Variants in CHTF18 observed in about 807,000 individuals in gnomAD.
The protein encoded by CHTF18 is chromosome transmission fidelity protein 18 homolog.
A neutral mutation model predicts 113.4 loss-of-function variants in CHTF18; 151 were observed. The ratio of observed to expected loss-of-function variants is 1.33; its 90% CI spans 1.17 to 1.52. CHTF18 has a LOEUF of 1.52. Ranked by LOEUF, CHTF18 falls within the 40% of genes most tolerant of loss-of-function variation. CHTF18 has a pLI of 0.00. For synonymous variants in CHTF18, 916 were observed against 598.8 expected (o/e 1.53, Z -7.74); for missense variants, 1,982 against 1,381.6 (o/e 1.43, Z -6.89).
In CHTF18 at chr16:794,055, C is replaced by T. The variant is rs754541585; in HGVS notation, c.1804C>T (p.Arg602Cys). The change falls in exon 15 of 22, where the codon CGC becomes TGC. Residue 602 changes from arginine to cysteine, a missense_variant and splice_region_variant. Arg to Cys is a radical substitution (Grantham distance 180). Coordinates refer to ENST00000262315, the MANE Select transcript of CHTF18 (RefSeq NM_022092.3). ...EVFQLPRAQR[R>C]RVGQDPALPA... ...CTAGCTTCAGCACCCCACCTGCAGG[C>T]GCCGTGTGGGCCAGGACCCCGCCCT... The T allele has an allele frequency of 1.3e-5, 21 of 1,608,660 alleles. No individual in the cohort carries two copies. Among genetic ancestry groups the T allele is most frequent in the East Asian group, 1.1e-4 (5 of 44,776 alleles).
Position 789,553 on chromosome 16 carries a change from A to G in CHTF18, c.444A>G (p.Ser148=), listed in dbSNP as rs1395859732. 1.2e-6 allele frequency: 2 copies of G among 1,600,866 alleles called. No homozygotes were observed. The highest frequency in any genetic ancestry group is 2.2e-5 in the East Asian group (1 of 44,722). ...AGCCCCGGTCTCTCTCCAGAGTCTC[A>G]GAAGCTGCTGCCGACGTGGGTCTCA... ...DLAELWGHGV[S]EAAADVGLTR... The change falls in exon 4 of 22, where the codon TCA becomes TCG. Residue 148 remains serine, a synonymous_variant. Coordinates refer to ENST00000262315, the MANE Select transcript of CHTF18 (RefSeq NM_022092.3).
At position 790,527 on chromosome 16, in the gene CHTF18, T is replaced by TCAGGTCGGGGGAGG. The variant is rs1189949618; in HGVS notation, c.756_769dup (p.Glu257AlafsTer57). 8.1e-6 allele frequency: 13 copies of TCAGGTCGGGGGAGG among 1,601,366 alleles called. No individual in the cohort carries two copies. The highest frequency in any genetic ancestry group is 3.4e-5 in the Admixed American group (2 of 58,126). ...GCTCAGGACGTGGTCCTCTCCAGTC[T>TCAGGTCGGGGGAGG]CAGGTCGGGGGAGGAGGAGGCAGCC... On this transcript the variant is annotated frameshift_variant, in exon 7 of 22. Coordinates refer to ENST00000262315, the MANE Select transcript of CHTF18 (RefSeq NM_022092.3). LOFTEE classifies it high-confidence loss of function.
chr16:796,727 G>A lies in CHTF18; in HGVS notation c.2467G>A (p.Glu823Lys), dbSNP rs773054393. 7 of 1,601,034 alleles carry A rather than the reference G, an allele frequency of 4.4e-6. No homozygotes were observed. The highest frequency in any genetic ancestry group is 3.3e-5 in the South Asian group (3 of 90,990). The stretch of plus-strand genomic sequence containing the variant: ...CCCTGTGCTGAGCAGGAACGTGGAG[G>A]AACTCTGCCGCTTCCCTGAGCTGCC... ...YIYRLEPNVE[E>K]LCRFPELPAR... Residue 823 changes from glutamate to lysine, a missense_variant, in exon 19 of 22, where the codon GAA becomes AAA. Coordinates refer to ENST00000262315, the MANE Select transcript of CHTF18 (RefSeq NM_022092.3).
At chr16:792,662 G>A in intron 11 of CHTF18, 56 bp from the exon 12 acceptor site, 2 of 1,588,694 alleles carry the variant, frequency 1.3e-6, no homozygotes, top group Non-Finnish European at 8.5e-7. Flanking sequence ...GCCCGTCCCT[G>A]TGTCCTGGGC....
rs748345127 is a variant in CHTF18, at chr16:789,226, G to A, written c.303G>A (p.Arg101=). The A allele has an allele frequency of 7.7e-6, 12 of 1,552,214 alleles. No individual in the cohort carries two copies. The highest frequency in any genetic ancestry group is 5.9e-5 in the South Asian group (5 of 84,272). The change falls in exon 3 of 22, where the codon CGG becomes CGA. Residue 101 remains arginine, a synonymous_variant. Coordinates refer to ENST00000262315, the MANE Select transcript of CHTF18 (RefSeq NM_022092.3). Reference sequence around the variant, plus strand: ...CTCCCCCAGCCCCCAGGATCAAACGGCCTAGGCTGCAGGTGGTCAAGAGGC... The same window carrying A: ...CTCCCCCAGCCCCCAGGATCAAACGACCTAGGCTGCAGGTGGTCAAGAGGC... ...GSLPHAPRIK[R]PRLQVVKRLN... is the part of the protein sequence containing the mutation.
At position 797,753 on chromosome 16, in the gene CHTF18, T is replaced by A. The variant is rs1176086589; in HGVS notation, c.2791+2T>A. The A allele has an allele frequency of 6.6e-7, 1 of 1,516,956 alleles. No individual in the cohort carries two copies. 94.0% of individuals were successfully genotyped at this position (1,516,956 alleles called of 1,614,324 possible). A position where few individuals can be genotyped will look rare whatever the true frequency, so the allele number is the denominator to read the frequency against. On this transcript the variant is annotated splice_donor_variant, in intron 21 of 21. Transcript: ENST00000262315. LOFTEE classifies it high-confidence loss of function. ...GGAGCACAGCAGTCCCGAGTGCAGG[T>A]GTGTGTGGGGGTGTTGTGGGGTTGT...
chr16:791,303 G>A lies in CHTF18; in HGVS notation c.1037G>A (p.Ser346Asn). 1.2e-6 allele frequency: 2 copies of A among 1,610,638 alleles called. No individual in the cohort carries two copies. The highest frequency in any genetic ancestry group is 2.2e-5 in the South Asian group (2 of 90,862). The change falls in exon 8 of 22, where the codon AGC becomes AAC. Residue 346 changes from serine to asparagine, a missense_variant. Physicochemically the swap from Ser to Asn is conservative, Grantham distance 46. Coordinates refer to ENST00000262315, the MANE Select transcript of CHTF18 (RefSeq NM_022092.3). ...KEATAPGKWK[S>N]HEQVLEEMLE... Reference sequence around the variant, plus strand: ...GCCACAGCCCCAGGCAAGTGGAAGAGCCACGAACAGGTGCTGGAGGAGATG... The same window carrying A: ...GCCACAGCCCCAGGCAAGTGGAAGAACCACGAACAGGTGCTGGAGGAGATG...
intron 3 of CHTF18, 80 bp downstream of exon 3, chr16:789,440 G>A: frequency 2.6e-6 from 4 of 1,537,098 alleles, no homozygotes; most frequent in Non-Finnish European, 2.6e-6. Context: ...CCTGGATGAG[G>A]CCTGGGGGGT....
chr16:790,011 C>T (rs538158660), intron 4 of CHTF18, 166 bp from the exon 5 acceptor site: 134 of 1,535,488 alleles, frequency 8.7e-5, no homozygotes, highest in Non-Finnish European at 1.0e-4. Flanking sequence ...TTGCAGCTGA[C>T]CCATCTGGAT....
chr16:790,528 C>G lies in CHTF18; in HGVS notation c.756C>G (p.Leu252=), dbSNP rs377472910. ...AQKLSDTLHS[L]RSGEEEAAQP... is the part of the protein sequence containing the mutation. ...CTCAGGACGTGGTCCTCTCCAGTCTCAGGTCGGGGGAGGAGGAGGCAGCCC... is the reference window on the plus strand; with the variant it reads ...CTCAGGACGTGGTCCTCTCCAGTCTGAGGTCGGGGGAGGAGGAGGCAGCCC... The change falls in exon 7 of 22, where the codon CTC becomes CTG. Residue 252 remains leucine (L), a synonymous_variant. Transcript: ENST00000262315. 37 of 1,601,154 alleles carry G rather than the reference C, an allele frequency of 2.3e-5. No homozygotes were observed. Among genetic ancestry groups the G allele is most frequent in the Non-Finnish European group, 3.1e-5 (37 of 1,174,846 alleles).
intron 9 of CHTF18, 84 bp downstream of exon 9, chr16:792,032 A>G: frequency 6.5e-7 from 1 of 1,549,846 alleles, no homozygotes; most frequent in Non-Finnish European, 8.7e-7. Flanking sequence ...CCGGGTGTGG[A>G]TGTTCCCGTC....
At chr16:789,884 C>T (rs1215573823) in intron 4 of CHTF18, 169 bp downstream of exon 4, 38 of 1,349,862 alleles carry the variant, frequency 2.8e-5, no homozygotes, top group South Asian at 1.9e-4. Flanking sequence ...ACACAGCCTC[C>T]CCACAGCAGG....
chr16:795,090 C>G, intron 15 of CHTF18, 42 bp from the exon 16 acceptor site: 1 of 1,478,828 alleles, frequency 6.8e-7, no homozygotes, highest in Non-Finnish European at 9.1e-7. Context: ...GTGCACCTTC[C>G]CTGGGGTGGG....
At position 788,767 on chromosome 16, in the gene CHTF18, A is replaced by G. The variant is rs772544114; in HGVS notation, c.83A>G (p.Glu28Gly). The part of the protein sequence containing the change: ...QFAAELEVLA[E>G]LEGASTPSPS... ...GCGGCCGAGCTGGAGGTGCTGGCAG[A>G]GCTGGAAGGTGGGGCGCGGCCCCCG... The change falls in exon 1 of 22, where the codon GAG (glutamate) becomes GGG (glycine). Residue 28 changes from glutamate (E) to glycine (G), a missense_variant. Transcript: ENST00000262315. 5 of 1,597,058 alleles carry G rather than the reference A, an allele frequency of 3.1e-6. No homozygotes were observed. In the South Asian group the frequency reaches 5.6e-5, roughly 18 times the overall value.
chr16:788,645 C>G lies in CHTF18; in HGVS notation c.-40C>G. 6.9e-7 allele frequency: 1 copy of G among 1,446,318 alleles called. No homozygotes were observed. Among genetic ancestry groups the G allele is most frequent in the Non-Finnish European group, 9.2e-7 (1 of 1,091,510 alleles). 89.6% of individuals were successfully genotyped at this position (1,446,318 alleles called of 1,614,324 possible). A position where few individuals can be genotyped will look rare whatever the true frequency, so the allele number is the denominator to read the frequency against. On this transcript the variant is annotated 5_prime_UTR_variant, in exon 1 of 22. Coordinates refer to ENST00000262315, the MANE Select transcript of CHTF18 (RefSeq NM_022092.3). Reference sequence around the variant, plus strand: ...GGGCAGTGCGCGACGGCGGCGGCGGCGCGGGAGGTTCGGAGCGGGAGCTCG... The same window carrying G: ...GGGCAGTGCGCGACGGCGGCGGCGGGGCGGGAGGTTCGGAGCGGGAGCTCG...
chr16:794,068 A>G lies in CHTF18; in HGVS notation c.1817A>G (p.Gln606Arg), dbSNP rs376393233. ...LPRAQRRRVG[Q>R]DPALPADTLL... ...CCCACCTGCAGGCGCCGTGTGGGCC[A>G]GGACCCCGCCCTGCCTGCTGACACA... Residue 606 changes from glutamine (Q) to arginine (R), a missense_variant, in exon 15 of 22, where the codon CAG (glutamine) becomes CGG (arginine). By Grantham distance (43) the Gln-to-Arg change is conservative (BLOSUM62 1). Coordinates refer to ENST00000262315, the MANE Select transcript of CHTF18 (RefSeq NM_022092.3). The G allele has an allele frequency of 5.6e-6, 9 of 1,611,208 alleles. No homozygotes were observed. The highest frequency in any genetic ancestry group is 1.3e-5 in the African/African-American group (1 of 74,858).
chr16:791,828 G>A (rs768866781), intron 8 of CHTF18, 23 bp from the exon 9 acceptor site: 37 of 1,583,254 alleles, frequency 2.3e-5, no homozygotes, highest in Admixed American at 2.2e-4. Context: ...TGCACACTAC[G>A]CCTTCATCTA....
chr16:798,066 A>T lies in CHTF18; in HGVS notation c.*91A>T. ...TGTCTTTATAAAGTCACACCTTTACAGACTGTAATCACGTGCGAGTGGAGT... is the reference window on the plus strand; with the variant it reads ...TGTCTTTATAAAGTCACACCTTTACTGACTGTAATCACGTGCGAGTGGAGT... On this transcript the variant is annotated 3_prime_UTR_variant, in exon 22 of 22. Transcript: ENST00000262315. 2 of 1,498,456 alleles carry T rather than the reference A, an allele frequency of 1.3e-6. No individual in the cohort carries two copies. The highest frequency in any genetic ancestry group is 1.8e-6 in the Non-Finnish European group (2 of 1,113,800). The allele number at this position is 1,498,456 out of a possible 1,614,324, so 92.8% of individuals were successfully genotyped here. A position where few individuals can be genotyped will look rare whatever the true frequency, so the allele number is the denominator to read the frequency against.
chr16:792,036 T>A (rs1336619862), intron 9 of CHTF18, 88 bp downstream of exon 9: 1 of 1,548,680 alleles, frequency 6.5e-7, no homozygotes, highest in Non-Finnish European at 8.7e-7. Flanking sequence ...GTGTGGATGT[T>A]CCCGTCTTGA....
Sources: allele counts gnomAD v4.1 joint callset, GRCh38; gene constraint gnomAD v4.1.1; transcripts MANE v1.5; gene names NCBI Gene and HGNC (gene_info 2026-07-23, HGNC 2026-07-21).